Variants in GNAL observed in about 807,000 individuals in gnomAD.
The protein encoded by GNAL is G protein subunit alpha L, also known as guanine nucleotide-binding protein G(olf) subunit alpha.
Under a neutral mutation model 55.1 loss-of-function variants are expected in GNAL, and 18 were observed. The observed-to-expected ratio is 0.33, with a 90% confidence interval of 0.23 to 0.48. GNAL has a LOEUF of 0.48. Ranked by LOEUF, GNAL falls within the 20% of genes least tolerant of loss-of-function variation. The pLI is 0.99. For missense variants in GNAL, 412 were observed against 614.1 expected (o/e 0.67, Z 3.48); for synonymous variants, 253 against 237.0 (o/e 1.07, Z -0.62).
intron 11 of GNAL, 21 bp from the exon 12 acceptor site, chr18:11,880,968 T>C (rs770453790): frequency 5.0e-6 from 8 of 1,611,206 alleles, no homozygotes; most frequent in Middle Eastern, 1.7e-4. Flanking sequence ...GCAGGGCTAG[T>C]GCACACGCTC....
chr18:11,746,830 A>G, intron 1 of GNAL: 1 of 508,430 alleles, frequency 2.0e-6, no homozygotes, highest in South Asian at 1.5e-5. Flanking sequence ...GACGAGTGGC[A>G]GATCGTATTG....
At chr18:11,761,703 G>A (rs1049056437) in intron 4 of GNAL, among the ~76,000 whole-genome samples, 1 of 152,156 alleles carries the variant, frequency 6.6e-6, no homozygotes, top group African/African-American at 2.4e-5. Flanking sequence ...GTTCCAATAA[G>A]CTGCAGCCTC....
At chr18:11,750,645 G>T (rs1369402630) in intron 1 of GNAL, among the ~76,000 whole-genome samples, 1 of 152,120 alleles carries the variant, frequency 6.6e-6, no homozygotes, top group African/African-American at 2.4e-5. Flanking sequence ...GGGGGCCCTA[G>T]ATGACCTTGA....
rs552552139 is a variant in GNAL, at chr18:11,753,028, G to A, written c.449+103G>A. ...AACAATTTTAATTTATTTGATAATG[G>A]AGTAGACATTCAAGGGGGAAAAAAT... is the stretch of plus-strand genomic sequence containing the variant. On this transcript the variant is annotated intron_variant, in intron 2 of 11. Coordinates refer to ENST00000334049, the MANE Select transcript of GNAL (RefSeq NM_182978.4). The A allele has an allele frequency of 5.2e-5, 33 of 636,696 alleles. No homozygotes were observed. The South Asian group carries it at 5.7e-4, about 11-fold the overall frequency. The allele number at this position is 636,696 out of a possible 1,614,324, so 39.4% of individuals were successfully genotyped here.
intron 4 of GNAL, among the ~76,000 whole-genome samples, chr18:11,814,579 C>T (rs1212582568): frequency 2.6e-5 from 4 of 151,930 alleles, no homozygotes; most frequent in Non-Finnish European, 4.4e-5. Context: ...CATATGGTCT[C>T]ATCATATATG....
chr18:11,817,607 GTT>G (rs1183751945), intron 4 of GNAL, among the ~76,000 whole-genome samples: 1 of 152,030 alleles, frequency 6.6e-6, no homozygotes, highest in Non-Finnish European at 1.5e-5. Flanking sequence ...TTTTTGTTTG[GTT>G]GTGTTTTTTG....
At chr18:11,723,254 TGGA>T (rs2032139270) in intron 1 of GNAL, among the ~76,000 whole-genome samples, 1 of 152,226 alleles carries the variant, frequency 6.6e-6, no homozygotes, top group Non-Finnish European at 1.5e-5. Flanking sequence ...AATACATAAA[TGGA>T]GGAGTGTGGC....
Position 11,752,666 on chromosome 18 carries a change from G to T in GNAL, c.377-187G>T. Reference sequence around the variant, plus strand: ...GCGCCAGGCTGGGCGGGCAGGGCCGGGCGAGGGTCGCGCGCACCTCTGGGC... The same window carrying T: ...GCGCCAGGCTGGGCGGGCAGGGCCGTGCGAGGGTCGCGCGCACCTCTGGGC... On this transcript the variant is annotated intron_variant, in intron 1 of 11. Transcript: ENST00000334049. The surrounding 1 kb of genome is among the most constrained non-coding windows in gnomAD (Gnocchi z 4.5). 7.5e-7 allele frequency: 1 copy of T among 1,324,866 alleles called. No individual in the cohort carries two copies. Among genetic ancestry groups the T allele is most frequent in the South Asian group, 1.8e-5 (1 of 56,038 alleles). 82.1% of individuals were successfully genotyped at this position (1,324,866 alleles called of 1,614,324 possible). A position where few individuals can be genotyped will look rare whatever the true frequency, so the allele number is the denominator to read the frequency against.
At chr18:11,763,822 T>G (rs900469844) in intron 4 of GNAL, among the ~76,000 whole-genome samples, 116 of 152,332 alleles carry the variant, frequency 7.6e-4, no homozygotes, top group African/African-American at 2.8e-3. Context: ...TAACTTCCAT[T>G]TCTCTCTATG....
intron 10 of GNAL, among the ~76,000 whole-genome samples, chr18:11,873,408 C>A (rs1390733489): frequency 6.6e-6 from 1 of 152,148 alleles, no homozygotes; most frequent in Admixed American, 6.5e-5. Flanking sequence ...ACTGCTATCA[C>A]CTGTGTCATA....
intron 1 of GNAL, among the ~76,000 whole-genome samples, chr18:11,710,117 C>T (rs1014673744): frequency 1.3e-5 from 2 of 152,156 alleles, no homozygotes; most frequent in Non-Finnish European, 2.9e-5. Flanking sequence ...TTGATTTACA[C>T]GTGTTGAATC....
intron 1 of GNAL, chr18:11,747,203 A>G (rs571120406): frequency 2.3e-5 from 9 of 388,498 alleles, no homozygotes; most frequent in Admixed American, 2.3e-4. Context: ...CTCTGCCACC[A>G]GAAATGAGAA....
intron 1 of GNAL, chr18:11,747,048 A>G (rs747496171): frequency 8.7e-6 from 4 of 458,512 alleles, no homozygotes; most frequent in South Asian, 1.7e-5. Context: ...GGTTATGTAT[A>G]TTTTCATGAG....
chr18:11,808,801 T>C (rs1409836370), intron 4 of GNAL, among the ~76,000 whole-genome samples: 2 of 152,246 alleles, frequency 1.3e-5, no homozygotes, highest in Admixed American at 6.5e-5. Flanking sequence ...ATCCATGTAA[T>C]GGAATGCCGT....
chr18:11,845,467 C>T (rs111389166), intron 5 of GNAL, among the ~76,000 whole-genome samples: 1 of 151,962 alleles, frequency 6.6e-6, no homozygotes, highest in African/African-American at 2.4e-5. Flanking sequence ...ATAAAGACTG[C>T]TAACAAATAA....
chr18:11,726,167 T>G (rs2032207067), intron 1 of GNAL, among the ~76,000 whole-genome samples: 1 of 152,248 alleles, frequency 6.6e-6, no homozygotes, highest in South Asian at 2.1e-4. Context: ...CTTGAAATCA[T>G]GTAGTGTCAG....
intron 4 of GNAL, among the ~76,000 whole-genome samples, chr18:11,779,706 C>G (rs1024141316): frequency 5.3e-5 from 8 of 152,174 alleles, no homozygotes; most frequent in Non-Finnish European, 1.2e-4. Flanking sequence ...CTGAACACCT[C>G]CCCTAGGCTG....
At chr18:11,773,040 T>G (rs746392763) in intron 4 of GNAL, among the ~76,000 whole-genome samples, 16 of 152,166 alleles carry the variant, frequency 1.1e-4, no homozygotes, top group Non-Finnish European at 2.2e-4. Flanking sequence ...CCTTTGTGCT[T>G]CACTCTCAGC....
At chr18:11,808,194 C>G (rs1309981752) in intron 4 of GNAL, among the ~76,000 whole-genome samples, 3 of 152,084 alleles carry the variant, frequency 2.0e-5, no homozygotes, top group African/African-American at 2.4e-5. Flanking sequence ...TCTCCCCAGA[C>G]TCTACTCTCC....
Sources: allele counts gnomAD v4.1 joint callset (sites outside exome capture counted in the v4.1 genomes callset), GRCh38; gene constraint gnomAD v4.1.1; non-coding constraint Gnocchi (gnomAD v3.1); transcripts MANE v1.5; gene names NCBI Gene and HGNC (gene_info 2026-07-23, HGNC 2026-07-21).